ST3GAL2: variants seen among roughly 807,000 people sequenced by gnomAD.
ST3GAL2 encodes ST3 beta-galactoside alpha-2,3-sialyltransferase 2, also known as CMP-N-acetylneuraminate-beta-galactosamide-alpha-2,3-sialyltransferase 2.
In ST3GAL2, 16 loss-of-function variants were observed where a neutral mutation model predicts 37.5. The ratio of observed to expected loss-of-function variants is 0.43; its 90% CI spans 0.29 to 0.65. The LOEUF (loss-of-function observed/expected upper bound fraction) is 0.65, where lower values mean the gene tolerates loss of function less well. Among genes scored for constraint, ST3GAL2 ranks in the 30% least tolerant of loss-of-function variants. The probability of loss-of-function intolerance (pLI) is 0.17; values close to 1 mark genes in which losing one functional copy is unlikely to be tolerated. For missense variants in ST3GAL2, 383 were observed against 487.8 expected (o/e 0.79, Z 2.02); for synonymous variants, 238 against 202.9 (o/e 1.17, Z -1.47).
At chr16:70,389,472 C>G (rs28838669) in intron 3 of ST3GAL2, among the ~76,000 whole-genome samples, 1 of 151,534 alleles carries the variant, frequency 6.6e-6, no homozygotes, top group Non-Finnish European at 1.5e-5. Context: ...GCATTCCCAG[C>G]TAAGTTTTTG....
At chr16:70,385,298 AAAACAAAC>A (rs560096291) in intron 4 of ST3GAL2, among the ~76,000 whole-genome samples, 13 of 152,064 alleles carry the variant, frequency 8.5e-5, no homozygotes, top group South Asian at 4.1e-4. Context: ...TCTGTCTCCA[AAAACAAAC>A]AAACAAACAA....
intron 2 of ST3GAL2, among the ~76,000 whole-genome samples, chr16:70,397,732 C>G (rs967786862): frequency 2.0e-5 from 3 of 151,772 alleles, no homozygotes; most frequent in Admixed American, 2.0e-4. Context: ...TCTCAAAAAA[C>G]AAACAAACAA....
chr16:70,404,508 C>T (rs919122147), intron 1 of ST3GAL2, among the ~76,000 whole-genome samples: 3 of 152,138 alleles, frequency 2.0e-5, no homozygotes, highest in Non-Finnish European at 4.4e-5. Context: ...CCACTTCCTG[C>T]CCATCAGGGT....
chr16:70,397,042 TC>T (rs1383313928), intron 2 of ST3GAL2, among the ~76,000 whole-genome samples: 60 of 38,198 alleles, frequency 1.6e-3, no homozygotes, highest in African/African-American at 8.7e-3. Context: ...TTCTTTTCTT[TC>T]TTTTTTTTTT....
intron 1 of ST3GAL2, among the ~76,000 whole-genome samples, chr16:70,411,935 G>A (rs1195896030): frequency 2.6e-5 from 4 of 151,500 alleles, no homozygotes; most frequent in East Asian, 3.9e-4. Context: ...CAGAGGTTGC[G>A]GTGAGCCGAG....
chr16:70,425,457 G>A (rs574206250), intron 1 of ST3GAL2, among the ~76,000 whole-genome samples: 16 of 151,666 alleles, frequency 1.1e-4, no homozygotes, highest in Non-Finnish European at 1.9e-4. Context: ...GTGAGACTCC[G>A]TCTCAGGACA....
intron 1 of ST3GAL2, chr16:70,399,932 C>G (rs1467298229): frequency 6.6e-6 from 1 of 152,670 alleles, no homozygotes; most frequent in Non-Finnish European, 1.5e-5. Context: ...TGGAGCCTGT[C>G]AGTGCCTGCA....
At chr16:70,389,025 C>A in intron 3 of ST3GAL2, among the ~76,000 whole-genome samples, 1 of 140,550 alleles carries the variant, frequency 7.1e-6, no homozygotes. Context: ...AGTGAGCCGA[C>A]ATCGCACCAC....
intron 1 of ST3GAL2, among the ~76,000 whole-genome samples, chr16:70,423,900 T>A (rs2047732757): frequency 6.6e-6 from 1 of 151,168 alleles, no homozygotes; most frequent in African/African-American, 2.4e-5. Flanking sequence ...CTACTAAAAG[T>A]ACAAAAAATT....
intron 1 of ST3GAL2, among the ~76,000 whole-genome samples, chr16:70,413,189 G>T (rs964942528): frequency 6.6e-6 from 1 of 151,650 alleles, no homozygotes; most frequent in Non-Finnish European, 1.5e-5. Context: ...GGCGGAGGTT[G>T]CAGTGAGCTA....
At chr16:70,384,713 A>G (rs1348743756) in intron 4 of ST3GAL2, among the ~76,000 whole-genome samples, 1 of 149,806 alleles carries the variant, frequency 6.7e-6, no homozygotes, top group Non-Finnish European at 1.5e-5. Context: ...CTCAAAAAAA[A>G]AAAAAAAAAA....
At chr16:70,409,617 A>G (rs926582508) in intron 1 of ST3GAL2, among the ~76,000 whole-genome samples, 4 of 151,880 alleles carry the variant, frequency 2.6e-5, no homozygotes, top group African/African-American at 9.7e-5. Flanking sequence ...TGTTGGGATT[A>G]CAGGTGTCAG....
At chr16:70,382,387 A>T (rs2047412496) in intron 6 of ST3GAL2, among the ~76,000 whole-genome samples, 1 of 151,644 alleles carries the variant, frequency 6.6e-6, no homozygotes, top group Admixed American at 6.6e-5. Flanking sequence ...GGTTCAAGCG[A>T]TTTTCCTGAC....
chr16:70,409,736 G>A (rs1057213837), intron 1 of ST3GAL2, among the ~76,000 whole-genome samples: 3 of 151,686 alleles, frequency 2.0e-5, no homozygotes, highest in Admixed American at 1.3e-4. Flanking sequence ...GACCACCTGG[G>A]CTCAAATGAT....
At chr16:70,425,288 C>T (rs775513773) in intron 1 of ST3GAL2, among the ~76,000 whole-genome samples, 12 of 152,122 alleles carry the variant, frequency 7.9e-5, no homozygotes, top group Admixed American at 3.3e-4. Context: ...ATGGTGAAAG[C>T]CTGTCTCTGA....
At chr16:70,405,930 G>A (rs185918569) in intron 1 of ST3GAL2, among the ~76,000 whole-genome samples, 14 of 151,886 alleles carry the variant, frequency 9.2e-5, no homozygotes, top group Admixed American at 5.9e-4. Context: ...GCATGGTGGC[G>A]GGCGCCTGTG....
chr16:70,436,414 G>A (rs977139101), intron 1 of ST3GAL2, among the ~76,000 whole-genome samples: 2 of 145,816 alleles, frequency 1.4e-5, no homozygotes, highest in African/African-American at 5.1e-5. Context: ...TCATGCCACT[G>A]CACTCCAGCC....
intron 1 of ST3GAL2, among the ~76,000 whole-genome samples, chr16:70,425,732 AACT>A (rs2047745379): frequency 6.6e-6 from 1 of 152,268 alleles, no homozygotes; most frequent in Non-Finnish European, 1.5e-5. Context: ...CAAAAAAAAA[AACT>A]ACTTACTTGA....
At chr16:70,408,137 T>G (rs1218060852) in intron 1 of ST3GAL2, among the ~76,000 whole-genome samples, 1 of 152,112 alleles carries the variant, frequency 6.6e-6, no homozygotes, top group African/African-American at 2.4e-5. Context: ...GCCTCTCATT[T>G]AGTATGCGCA....
Sources: allele counts gnomAD v4.1 joint callset (sites outside exome capture counted in the v4.1 genomes callset), GRCh38; gene constraint gnomAD v4.1.1; transcripts MANE v1.5; gene names NCBI Gene and HGNC (gene_info 2026-07-23, HGNC 2026-07-21).